Variants in LRIT2 observed in about 807,000 individuals in gnomAD.
LRIT2 encodes the protein leucine rich repeat, Ig-like and transmembrane domains 2, also known as leucine-rich repeat, immunoglobulin-like domain and transmembrane domain-containing protein 2.
A neutral mutation model predicts 22.4 loss-of-function variants in LRIT2; 23 were observed. The observed-to-expected ratio is 1.03, with a 90% CI of 0.74 to 1.45. LRIT2 has a LOEUF of 1.45. Among genes scored for constraint, LRIT2 ranks in the 40% most tolerant of loss-of-function variants. LRIT2 has a pLI of 0.00. For synonymous variants in LRIT2, 291 were observed against 267.1 expected, an observed-to-expected ratio of 1.09 and a Z score of -0.87; for missense variants, 784 against 665.6, an observed-to-expected ratio of 1.18 and a Z score of -1.96.
In LRIT2 at chr10:84,222,415, A is replaced by G. The variant is rs1308488435; in HGVS notation, c.1158T>C (p.Ala386=). 1 of 1,614,042 alleles carries G rather than the reference A, an allele frequency of 6.2e-7. No individual in the cohort carries two copies. Among genetic ancestry groups the G allele is most frequent in the African/African-American group, 1.3e-5 (1 of 74,928 alleles). The change falls in exon 3 of 3, where the codon GCT becomes GCC. Residue 386 remains alanine, a synonymous_variant. Transcript: ENST00000372113. ...TGAACCACTCCTCCTTAGAGGTGTC[A>G]GCCACTGCAAGCCACTCCAGCAAAA... ...HGILLEWLAV[A]DTSKEEWFTL...
Position 84,224,365 on chromosome 10 carries a change from G to A in LRIT2, c.860C>T (p.Thr287Ile), listed in dbSNP as rs1370432208. 1.2e-6 allele frequency: 2 copies of A among 1,613,944 alleles called. No individual in the cohort carries two copies. Among genetic ancestry groups the A allele is most frequent in the Admixed American group, 1.7e-5 (1 of 60,024 alleles). The change falls in exon 2 of 3, where the codon ACT (threonine) becomes ATT (isoleucine). Residue 287 changes from threonine to isoleucine, a missense_variant. Physicochemically the swap from Thr to Ile is moderately conservative, Grantham distance 89. Coordinates refer to ENST00000372113, the MANE Select transcript of LRIT2 (RefSeq NM_001017924.5). Reference sequence around the variant, plus strand: ...TTCTCTCCACATACTCAGGGGATAAGTCCATGCAATGGATGGTGAGGGGCT... The same window carrying A: ...TTCTCTCCACATACTCAGGGGATAAATCCATGCAATGGATGGTGAGGGGCT... The part of the protein sequence containing the change: ...QASPSPSIAW[T>I]YPLSMWREFD...
chr10:84,220,921 G>A lies in LRIT2; in HGVS notation c.*999C>T, dbSNP rs976022461. The A allele has an allele frequency of 1.4e-4, 21 of 152,240 alleles. No individual in the cohort carries two copies. Among genetic ancestry groups the A allele is most frequent in the African/African-American group, 4.8e-4 (20 of 41,454 alleles). 9.4% of individuals were successfully genotyped at this position (152,240 alleles called of 1,614,324 possible). A position where few individuals can be genotyped will look rare whatever the true frequency, so the allele number is the denominator to read the frequency against. ...TTGCATGTGGCCAGTGAGGGAAACG[G>A]CAGGGAGACAGATGTGAATTAAATC... is the stretch of plus-strand genomic sequence containing the variant. On this transcript the variant is annotated 3_prime_UTR_variant, in exon 3 of 3. Transcript: ENST00000372113.
rs773999716 is a variant in LRIT2 at position 84,224,453 on chromosome 10, G to A, written c.772C>T (p.Pro258Ser). 3 of 1,614,260 alleles carry A rather than the reference G, an allele frequency of 1.9e-6. No individual in the cohort carries two copies. Among genetic ancestry groups the A allele is most frequent in the Non-Finnish European group, 2.5e-6 (3 of 1,180,046 alleles). The change falls in exon 2 of 3, where the codon CCC becomes TCC. Residue 258 changes from proline (P) to serine (S), a missense_variant. By Grantham distance (74) the Pro-to-Ser change is moderately conservative (BLOSUM62 -1). Transcript: ENST00000372113. The stretch of plus-strand genomic sequence containing the variant: ...GCCCGGATGGTGATATTGGCACTGG[G>A]GGTTGAGATCTGTGGCTTCATGCAA... ...SACMKPQIST[P>S]SANITIRAGQ...
chr10:84,222,675 T>C lies in LRIT2; in HGVS notation c.898A>G (p.Thr300Ala). 1 of 1,613,414 alleles carries C rather than the reference T, an allele frequency of 6.2e-7. No individual in the cohort carries two copies. Among genetic ancestry groups the C allele is most frequent in the Non-Finnish European group, 8.5e-7 (1 of 1,179,350 alleles). The change falls in exon 3 of 3, where the codon ACA becomes GCA. Residue 300 changes from threonine (T) to alanine (A), a missense_variant. Coordinates refer to ENST00000372113, the MANE Select transcript of LRIT2 (RefSeq NM_001017924.5). ...LSMWREFDVL[T>A]SSTGEDTALS... ...GCAGTGTCTTCTCCAGTAGAAGATG[T>C]CAACACTGGGTGGAAAGAAAAACAA...
At chr10:84,224,063 GAT>G (rs540115411) in intron 2 of LRIT2, among the ~76,000 whole-genome samples, 425 of 152,280 alleles carry the variant, frequency 2.8e-3, no homozygotes, top group African/African-American at 9.8e-3. Flanking sequence ...ATTTGCATAA[GAT>G]ATTAAATTAG....
Position 84,225,010 on chromosome 10 carries a change from T to C in LRIT2, c.215A>G (p.Gln72Arg), listed in dbSNP as rs1842550754. 2 of 1,614,086 alleles carry C rather than the reference T, an allele frequency of 1.2e-6. No homozygotes were observed. The highest frequency in any genetic ancestry group is 2.2e-5 in the East Asian group (1 of 44,870). The change falls in exon 2 of 3, where the codon CAA (glutamine) becomes CGA (arginine). Residue 72 changes from glutamine (Q) to arginine (R), a missense_variant. By Grantham distance (43) the Gln-to-Arg change is conservative. Transcript: ENST00000372113. ...GGTGCTCATGTTGATGAAAGACCCT[T>C]GGGGCATCTCAAATAAGGGTGAATT... The part of the protein sequence containing the change: ...IENSPLFEMP[Q>R]GSFINMSTLE...
Position 84,224,814 on chromosome 10 carries a change from G to C in LRIT2, c.411C>G (p.Asn137Lys). Residue 137 changes from asparagine (N) to lysine (K), a missense_variant, in exon 2 of 3, where the codon AAC becomes AAG. Asn to Lys is a moderately conservative substitution (Grantham distance 94). Transcript: ENST00000372113. ...CCAGCTCAGGGAGTGCATCAATCTTGTTGCGTTTGAGATCCAAGACCCTCA... is the reference window on the plus strand; with the variant it reads ...CCAGCTCAGGGAGTGCATCAATCTTCTTGCGTTTGAGATCCAAGACCCTCA... Reference protein sequence around the residue: ...PLLRVLDLKRNKIDALPELAL... With the variant: ...PLLRVLDLKRKKIDALPELAL... 1 of 1,614,102 alleles carries C rather than the reference G, an allele frequency of 6.2e-7. No homozygotes were observed. The highest frequency in any genetic ancestry group is 8.5e-7 in the Non-Finnish European group (1 of 1,180,014).
rs901103056 is a variant in LRIT2 at position 84,220,722 on chromosome 10, A to G, written c.*1198T>C. 2.6e-5 allele frequency: 4 copies of G among 152,244 alleles called. No individual in the cohort carries two copies. The highest frequency in any genetic ancestry group is 7.2e-5 in the African/African-American group (3 of 41,458). The allele number at this position is 152,244 out of a possible 1,614,324, so 9.4% of individuals were successfully genotyped here. ...CTCACAACCAATGGACACAATGTGC[A>G]TACTGTCCTTTTCCCCAGAGGTGTG... On this transcript the variant is annotated 3_prime_UTR_variant, in exon 3 of 3. Coordinates refer to ENST00000372113, the MANE Select transcript of LRIT2 (RefSeq NM_001017924.5).
At position 84,222,162 on chromosome 10, in the gene LRIT2, A is replaced by T. The variant is rs148642694; in HGVS notation, c.1411T>A (p.Cys471Ser). 5.0e-6 allele frequency: 8 copies of T among 1,613,788 alleles called. No homozygotes were observed. In the East Asian group the frequency reaches 1.8e-4, roughly 36 times the overall value. The change falls in exon 3 of 3, where the codon TGT becomes AGT. Residue 471 changes from cysteine to serine, a missense_variant. Cys to Ser is a moderately radical substitution (Grantham distance 112). Coordinates refer to ENST00000372113, the MANE Select transcript of LRIT2 (RefSeq NM_001017924.5). The stretch of plus-strand genomic sequence containing the variant: ...ACAGGCACTGCAAGCAGCACCACAC[A>T]CAGGACCACTGTGACATGCAGGAGG... ...EHLLHVTVVL[C>S]VVLLAVPVGA...
At position 84,222,630 on chromosome 10, in the gene LRIT2, G is replaced by A. The variant is rs1404400842; in HGVS notation, c.943C>T (p.Pro315Ser). ...CCACTGTCTACCAGGTGGGCAGCAGGTATGGCCAGCTCTGACAGAGCAGTG... is the reference window on the plus strand; with the variant it reads ...CCACTGTCTACCAGGTGGGCAGCAGATATGGCCAGCTCTGACAGAGCAGTG... ...EDTALSELAI[P>S]AAHLVDSGNY... Residue 315 changes from proline to serine, a missense_variant, in exon 3 of 3, where the codon CCT (proline) becomes TCT (serine). Coordinates refer to ENST00000372113, the MANE Select transcript of LRIT2 (RefSeq NM_001017924.5). The A allele has an allele frequency of 2.5e-6, 4 of 1,613,986 alleles. No homozygotes were observed. The highest frequency in any genetic ancestry group is 3.4e-6 in the Non-Finnish European group (4 of 1,180,028).
rs1396721592 is a variant in LRIT2, at chr10:84,222,286, A to C, written c.1287T>G (p.Tyr429Ter). 1 of 1,614,216 alleles carries C rather than the reference A, an allele frequency of 6.2e-7. No individual in the cohort carries two copies. Among genetic ancestry groups the C allele is most frequent in the Non-Finnish European group, 8.5e-7 (1 of 1,180,038 alleles). The change falls in exon 3 of 3, where the codon TAT becomes TAG. Residue 429 changes from tyrosine to a stop codon, truncating the protein, a stop_gained. Transcript: ENST00000372113. LOFTEE classifies it low-confidence loss of function (END_TRUNC). ...AVDDLLPGTK[Y>*]EACLSLEGQP... The stretch of plus-strand genomic sequence containing the variant: ...GGCCCTCTAGGCTGAGGCAGGCCTC[A>C]TATTTTGTGCCAGGAAGGAGGTCAT...
At chr10:84,223,172 A>G (rs1476503284) in intron 2 of LRIT2, among the ~76,000 whole-genome samples, 1 of 152,182 alleles carries the variant, frequency 6.6e-6, no homozygotes, top group African/African-American at 2.4e-5. Context: ...GCTATCCCTA[A>G]TGGAGCTCCT....
At position 84,222,398 on chromosome 10, in the gene LRIT2, T is replaced by C. The variant is rs1277682648; in HGVS notation, c.1175A>G (p.Glu392Gly). The C allele has an allele frequency of 6.2e-7, 1 of 1,613,948 alleles. No individual in the cohort carries two copies. The highest frequency in any genetic ancestry group is 1.7e-5 in the Admixed American group (1 of 60,004). Residue 392 changes from glutamate to glycine, a missense_variant, in exon 3 of 3, where the codon GAG (glutamate) becomes GGG (glycine). Glu to Gly is a moderately conservative substitution (Grantham distance 98). Transcript: ENST00000372113. ...CGATGCAATGTAGAGGGTGAACCAC[T>C]CCTCCTTAGAGGTGTCAGCCACTGC... ...WLAVADTSKE[E>G]WFTLYIASDE...
rs1454329796 is a variant in LRIT2, at chr10:84,221,900, C to T, written c.*20G>A. On this transcript the variant is annotated 3_prime_UTR_variant, in exon 3 of 3. Transcript: ENST00000372113. ...AGAGGCTTGAAGCCCAAGCCGTTTC[C>T]ACCCCATGGCCTGGGTTGTTCAGCT... 6.6e-7 allele frequency: 1 copy of T among 1,510,480 alleles called. No individual in the cohort carries two copies. The highest frequency in any genetic ancestry group is 2.3e-5 in the East Asian group (1 of 43,832). The allele number at this position is 1,510,480 out of a possible 1,614,324, so 93.6% of individuals were successfully genotyped here.
intron 2 of LRIT2, 33 bp downstream of exon 2, chr10:84,224,300 T>C (rs1842538893): frequency 3.8e-6 from 6 of 1,582,684 alleles, no homozygotes; most frequent in Non-Finnish European, 5.2e-6. Context: ...CTCCATTCCC[T>C]CCAGATACAC....
At chr10:84,223,124 G>A (rs980296833) in intron 2 of LRIT2, among the ~76,000 whole-genome samples, 1 of 152,200 alleles carries the variant, frequency 6.6e-6, no homozygotes, top group African/African-American at 2.4e-5. Flanking sequence ...CCTTCCAGAT[G>A]CACAGTTCCT....
At chr10:84,224,192 G>A (rs1018995562) in intron 2 of LRIT2, 141 bp downstream of exon 2, 1 of 734,036 alleles carries the variant, frequency 1.4e-6, no homozygotes, top group Non-Finnish European at 2.2e-6. Context: ...CTGTTCTAGT[G>A]AGCATAATTC....
chr10:84,221,895 G>C lies in LRIT2; in HGVS notation c.*25C>G. On this transcript the variant is annotated 3_prime_UTR_variant, in exon 3 of 3. Transcript: ENST00000372113. ...GTTTCAGAGGCTTGAAGCCCAAGCC[G>C]TTTCCACCCCATGGCCTGGGTTGTT... 1.3e-6 allele frequency: 2 copies of C among 1,510,432 alleles called. No homozygotes were observed. Among genetic ancestry groups the C allele is most frequent in the Non-Finnish European group, 1.8e-6 (2 of 1,129,194 alleles). 93.6% of individuals were successfully genotyped at this position (1,510,432 alleles called of 1,614,324 possible).
chr10:84,224,290 C>T (rs1323352288), intron 2 of LRIT2, 43 bp downstream of exon 2: 1 of 1,566,462 alleles, frequency 6.4e-7, no homozygotes. Context: ...CTACAGACCT[C>T]TCCATTCCCT....
Sources: gnomAD v4.1 joint callset for allele counts (sites outside exome capture counted in the v4.1 genomes callset) on GRCh38, gnomAD v4.1.1 for gene constraint, MANE v1.5 for transcripts, NCBI Gene and HGNC (gene_info 2026-07-23, HGNC 2026-07-21) for gene names.